Variants in EDARADD observed in about 807,000 individuals in gnomAD.
EDARADD encodes the protein ectodysplasin-A receptor-associated adapter protein.
Under a neutral mutation model 25.6 loss-of-function variants are expected in EDARADD, and 20 were observed. The observed-to-expected ratio is 0.78, with a 90% CI of 0.55 to 1.14. The LOEUF (loss-of-function observed/expected upper bound fraction) is 1.14. EDARADD is among the 50% of genes most tolerant of loss of function. EDARADD has a pLI of 0.00. For synonymous variants in EDARADD, 86 were observed against 94.4 expected, an observed-to-expected ratio of 0.91 and a Z score of 0.52; for missense variants, 225 against 270.1, an observed-to-expected ratio of 0.83 and a Z score of 1.17.
chr1:236,407,357 G>A (rs1275110592), intron 1 of EDARADD, among the ~76,000 whole-genome samples: 1 of 152,166 alleles, frequency 6.6e-6, no homozygotes, highest in Non-Finnish European at 1.5e-5. Context: ...CAATGGCAAA[G>A]GCTCTCTCCA....
At chr1:236,411,874 C>G (rs1170281028) in intron 2 of EDARADD, among the ~76,000 whole-genome samples, 5 of 152,064 alleles carry the variant, frequency 3.3e-5, no homozygotes, top group African/African-American at 1.2e-4. Context: ...TTAAAGATAC[C>G]AATCATATTG....
chr1:236,370,374 T>G (rs775528188), intron 3 of EDARADD, among the ~76,000 whole-genome samples: 6 of 151,970 alleles, frequency 3.9e-5, no homozygotes, highest in Non-Finnish European at 8.8e-5. Flanking sequence ...TGAGCCAAGA[T>G]CATGCCACTG....
intron 3 of EDARADD, among the ~76,000 whole-genome samples, chr1:236,424,144 T>C (rs1374438827): frequency 6.9e-6 from 1 of 144,892 alleles, no homozygotes; most frequent in African/African-American, 2.5e-5. Context: ...AGTAATCCAC[T>C]GTGAAGCATC....
intron 5 of EDARADD, among the ~76,000 whole-genome samples, chr1:236,475,360 CT>C (rs1394088360): frequency 6.6e-6 from 1 of 152,140 alleles, no homozygotes; most frequent in Non-Finnish European, 1.5e-5. Context: ...GTGTTAAGTC[CT>C]CCAGAGAGCT....
At chr1:236,435,870 C>T (rs1174184837) in intron 4 of EDARADD, among the ~76,000 whole-genome samples, 1 of 152,090 alleles carries the variant, frequency 6.6e-6, no homozygotes, top group African/African-American at 2.4e-5. Flanking sequence ...TTATTGATAA[C>T]ATATGTTTGG....
chr1:236,478,357 A>ATGTGTGTGTGTGTGTG (rs746114148), intron 5 of EDARADD, among the ~76,000 whole-genome samples: 1 of 128,246 alleles, frequency 7.8e-6, no homozygotes, highest in African/African-American at 3.1e-5. Context: ...ATCCATATAT[A>ATGTGTGTGTGTGTGTG]TATGTGTGTG....
intron 3 of EDARADD, among the ~76,000 whole-genome samples, chr1:236,369,284 G>A (rs1053404431): frequency 6.6e-6 from 1 of 152,172 alleles, no homozygotes; most frequent in African/African-American, 2.4e-5. Flanking sequence ...TATAGATCCA[G>A]GTGGGAAGAA....
At chr1:236,392,992 A>G (rs1208902645), upstream of EDARADD, among the ~76,000 whole-genome samples, 1 of 152,106 alleles carries the variant, frequency 6.6e-6, no homozygotes, top group East Asian at 1.9e-4. Flanking sequence ...AAAATGTTGC[A>G]TAGGCTGGTC....
intron 4 of EDARADD, among the ~76,000 whole-genome samples, chr1:236,460,736 A>G (rs1659014353): frequency 6.6e-6 from 1 of 152,198 alleles, no homozygotes; most frequent in Admixed American, 6.5e-5. Flanking sequence ...AGAGTTACAC[A>G]GATACCAGCT....
chr1:236,402,518 C>G (rs912240209), intron 1 of EDARADD, among the ~76,000 whole-genome samples: 2 of 152,190 alleles, frequency 1.3e-5, no homozygotes, highest in Admixed American at 1.3e-4. Flanking sequence ...GATTAAGCCA[C>G]TGCACTCCAG....
intron 4 of EDARADD, among the ~76,000 whole-genome samples, chr1:236,458,536 T>C (rs111387874): frequency 6.6e-6 from 1 of 152,062 alleles, no homozygotes; most frequent in Non-Finnish European, 1.5e-5. Flanking sequence ...GACGTAATAA[T>C]AGATTGAGAG....
intron 3 of EDARADD, among the ~76,000 whole-genome samples, chr1:236,385,618 GGA>G (rs939538626): frequency 6.6e-5 from 10 of 152,050 alleles, no homozygotes; most frequent in African/African-American, 2.4e-4. Flanking sequence ...CAGCTACTTG[GGA>G]GGCTGAGGCA....
Position 236,483,093 on chromosome 1 carries a change from T to G in EDARADD, c.*444T>G. 3 of 997,048 alleles carry G rather than the reference T, an allele frequency of 3.0e-6. No individual in the cohort carries two copies. The highest frequency in any genetic ancestry group is 4.8e-5 in the East Asian group (2 of 41,358). 61.8% of individuals were successfully genotyped at this position (997,048 alleles called of 1,614,324 possible). A position where few individuals can be genotyped will look rare whatever the true frequency, so the allele number is the denominator to read the frequency against. On this transcript the variant is annotated 3_prime_UTR_variant, in exon 6 of 6. Coordinates refer to ENST00000334232, the MANE Select transcript of EDARADD (RefSeq NM_145861.4). Reference sequence around the variant, plus strand: ...TTTCAAAGAAAACAGCTACAAGGAATGCTTACCTGAGTGTCTGCAGCACCC... The same window carrying G: ...TTTCAAAGAAAACAGCTACAAGGAAGGCTTACCTGAGTGTCTGCAGCACCC...
chr1:236,434,032 T>C (rs75775885), intron 4 of EDARADD, among the ~76,000 whole-genome samples: 11,536 of 152,228 alleles, frequency 0.076, 1,374 homozygotes, highest in African/African-American at 0.25. Context: ...GATGATGTCA[T>C]GGTCAATGGC....
intron 4 of EDARADD, among the ~76,000 whole-genome samples, chr1:236,428,942 C>T (rs943834083): frequency 2.6e-5 from 4 of 152,190 alleles, no homozygotes; most frequent in South Asian, 2.1e-4. Flanking sequence ...GAGACACGCC[C>T]GGCCAACAGG....
intron 3 of EDARADD, among the ~76,000 whole-genome samples, chr1:236,424,601 C>CAGTA (rs369675862): frequency 4.2e-4 from 64 of 152,288 alleles, no homozygotes; most frequent in African/African-American, 1.3e-3. Flanking sequence ...AACCTCAAAT[C>CAGTA]AGTATCATCA....
intron 4 of EDARADD, among the ~76,000 whole-genome samples, chr1:236,458,951 T>C (rs904801028): frequency 4.6e-5 from 7 of 152,154 alleles, no homozygotes; most frequent in Non-Finnish European, 1.5e-5. Context: ...CGGTATTTTT[T>C]CAAATCAAAG....
rs142599005 is a variant in EDARADD, at chr1:236,382,894, C to T, written c.-5-26322C>T. 1.7e-3 allele frequency among the ~76,000 whole-genome samples: 266 copies of T among 152,244 alleles called. 1 individual carries two copies. The highest frequency in any genetic ancestry group is 1.2e-3 in the Admixed American group (19 of 15,286). On this transcript the variant is annotated intron_variant, in intron 3 of 7. Coordinates refer to the EDARADD transcript ENST00000439430. ...CCTTGGATAATTTCCAGGATGCATGCGCTGATCAATAAGTGTTCTGCTGGG... is the reference window on the plus strand; with the variant it reads ...CCTTGGATAATTTCCAGGATGCATGTGCTGATCAATAAGTGTTCTGCTGGG...
chr1:236,411,685 A>G (rs1657489014), intron 2 of EDARADD, among the ~76,000 whole-genome samples: 1 of 151,948 alleles, frequency 6.6e-6, no homozygotes, highest in South Asian at 2.1e-4. Context: ...AGTAGCTGGG[A>G]TTACAGGTGC....
Sources: gnomAD v4.1 joint callset for allele counts (sites outside exome capture counted in the v4.1 genomes callset) on GRCh38, gnomAD v4.1.1 for gene constraint, MANE v1.5 for transcripts, NCBI Gene and HGNC (gene_info 2026-07-23, HGNC 2026-07-21) for gene names.